GRIK2: variants seen among roughly 807,000 people sequenced by gnomAD.
GRIK2 encodes the protein glutamate ionotropic receptor kainate type subunit 2, also known as glutamate receptor ionotropic, kainate 2.
A neutral mutation model predicts 100.3 loss-of-function variants in GRIK2; 32 were observed. The observed-to-expected ratio is 0.32, with a 90% CI of 0.24 to 0.43. The LOEUF (loss-of-function observed/expected upper bound fraction) is 0.43. GRIK2 is among the 20% of genes least tolerant of loss of function. GRIK2 has a pLI of 1.00. For synonymous variants in GRIK2, 417 were observed against 389.4 expected (o/e 1.07, Z -0.83); for missense variants, 843 against 1,114.9 (o/e 0.76, Z 3.47).
chr6:101,495,376 G>T (rs1247772710), intron 2 of GRIK2, among the ~76,000 whole-genome samples: 1 of 151,868 alleles, frequency 6.6e-6, no homozygotes, highest in East Asian at 1.9e-4. Context: ...CGTGGTGGCG[G>T]GCACCTGTAG....
At chr6:101,451,036 A>AT (rs929945732) in intron 2 of GRIK2, among the ~76,000 whole-genome samples, 11 of 151,496 alleles carry the variant, frequency 7.3e-5, no homozygotes, top group African/African-American at 2.4e-4. Flanking sequence ...TTCCCGCTCT[A>AT]TTTTTTCATG....
At chr6:101,632,125 C>G (rs952684799) in intron 4 of GRIK2, among the ~76,000 whole-genome samples, 1 of 152,142 alleles carries the variant, frequency 6.6e-6, no homozygotes, top group African/African-American at 2.4e-5. Context: ...CACAAACACA[C>G]TCAGGCATAC....
At chr6:101,756,084 TA>T (rs1316730083) in intron 7 of GRIK2, among the ~76,000 whole-genome samples, 22 of 152,196 alleles carry the variant, frequency 1.4e-4, no homozygotes, top group Non-Finnish European at 2.5e-4. Flanking sequence ...TGTTGTTTAA[TA>T]ACATCTGAAG....
chr6:101,607,333 A>G (rs1020281476), intron 2 of GRIK2, among the ~76,000 whole-genome samples: 1 of 152,018 alleles, frequency 6.6e-6, no homozygotes, highest in East Asian at 1.9e-4. Context: ...ATAAACATGT[A>G]CACTGTACAC....
intron 4 of GRIK2, among the ~76,000 whole-genome samples, chr6:101,628,001 T>C (rs1390466530): frequency 2.0e-5 from 3 of 152,330 alleles, no homozygotes; most frequent in Non-Finnish European, 4.4e-5. Flanking sequence ...TACTTTAAGA[T>C]GTTTATCAAC....
At chr6:101,980,183 A>C (rs1793631028) in intron 14 of GRIK2, among the ~76,000 whole-genome samples, 1 of 151,954 alleles carries the variant, frequency 6.6e-6, no homozygotes, top group Non-Finnish European at 1.5e-5. Flanking sequence ...ATACCCTCCC[A>C]AAACACAGAG....
intron 14 of GRIK2, among the ~76,000 whole-genome samples, chr6:102,006,035 C>CTTAA (rs1795202728): frequency 6.6e-6 from 1 of 151,882 alleles, no homozygotes; most frequent in Non-Finnish European, 1.5e-5. Context: ...CTTATTTTAA[C>CTTAA]TTAATTACCT....
chr6:101,808,087 G>T (rs936115654), intron 9 of GRIK2, among the ~76,000 whole-genome samples: 1 of 152,104 alleles, frequency 6.6e-6, no homozygotes, highest in African/African-American at 2.4e-5. Flanking sequence ...TCCATCACCT[G>T]AAGCTTAGCT....
chr6:101,469,771 C>T (rs1771847806), intron 2 of GRIK2, among the ~76,000 whole-genome samples: 1 of 152,146 alleles, frequency 6.6e-6, no homozygotes, highest in Admixed American at 6.5e-5. Flanking sequence ...TTATCCTGTG[C>T]CATCCCTGAA....
intron 14 of GRIK2, among the ~76,000 whole-genome samples, chr6:101,933,023 C>T (rs754449819): frequency 2.0e-5 from 3 of 151,910 alleles, no homozygotes; most frequent in Non-Finnish European, 2.9e-5. Flanking sequence ...AAAGGCATGC[C>T]TCTCTTCAGA....
At chr6:101,608,783 G>A (rs1207194043) in intron 2 of GRIK2, among the ~76,000 whole-genome samples, 1 of 127,782 alleles carries the variant, frequency 7.8e-6, no homozygotes, top group East Asian at 2.3e-4. Flanking sequence ...TCTCATAGAG[G>A]GGTGTGTGTG....
At chr6:101,864,782 C>G (rs946446183) in intron 11 of GRIK2, among the ~76,000 whole-genome samples, 1 of 152,092 alleles carries the variant, frequency 6.6e-6, no homozygotes. Context: ...ATATTTAAAA[C>G]AAATAATTGA....
chr6:101,402,866 C>G (rs1429312537), intron 2 of GRIK2, among the ~76,000 whole-genome samples: 1 of 152,218 alleles, frequency 6.6e-6, no homozygotes, highest in Non-Finnish European at 1.5e-5. Flanking sequence ...TGCGTCCCGG[C>G]CTTGCCCGCC....
At chr6:101,900,599 GATTT>G (rs1406265658) in intron 12 of GRIK2, among the ~76,000 whole-genome samples, 2 of 151,832 alleles carry the variant, frequency 1.3e-5, no homozygotes, top group Middle Eastern at 3.4e-3. Flanking sequence ...ATATTTTATT[GATTT>G]GTTTGATACA....
chr6:101,767,635 T>G (rs1778117951), intron 7 of GRIK2, among the ~76,000 whole-genome samples: 1 of 152,190 alleles, frequency 6.6e-6, no homozygotes, highest in East Asian at 1.9e-4. Flanking sequence ...ATAATAAAAA[T>G]AAACACAATA....
chr6:101,771,063 C>T (rs192068007), intron 7 of GRIK2, among the ~76,000 whole-genome samples: 1 of 152,042 alleles, frequency 6.6e-6, no homozygotes, highest in Admixed American at 6.5e-5. Context: ...ATCTCATTTT[C>T]CTTAAATGTA....
chr6:101,851,945 G>A (rs1251374403), intron 10 of GRIK2, among the ~76,000 whole-genome samples: 1 of 111,824 alleles, frequency 8.9e-6, no homozygotes, highest in African/African-American at 3.6e-5. Context: ...TATACTGGCT[G>A]TTGACTATGG....
At chr6:101,890,546 C>T (rs534485795) in intron 12 of GRIK2, among the ~76,000 whole-genome samples, 1 of 152,054 alleles carries the variant, frequency 6.6e-6, no homozygotes, top group Admixed American at 6.6e-5. Flanking sequence ...GCCTGGTCAA[C>T]ATAGGGAGAC....
At chr6:101,617,298 T>G (rs1197151796) in intron 2 of GRIK2, among the ~76,000 whole-genome samples, 7 of 151,818 alleles carry the variant, frequency 4.6e-5, no homozygotes. Flanking sequence ...CTCTTCTTAC[T>G]GCTATTCCCA....
Sources: allele counts gnomAD v4.1 joint callset (sites outside exome capture counted in the v4.1 genomes callset), GRCh38; gene constraint gnomAD v4.1.1; transcripts MANE v1.5; gene names NCBI Gene and HGNC (gene_info 2026-07-23, HGNC 2026-07-21).